Variants in SLC29A3 observed in about 807,000 individuals in gnomAD.
SLC29A3 encodes solute carrier family 29 member 3, also known as equilibrative nucleoside transporter 3.
In SLC29A3, 18 loss-of-function variants were observed where a neutral mutation model predicts 25.4. That is an observed-to-expected ratio of 0.71 (90% CI 0.49 to 1.05). The LOEUF is 1.05. Ranked by LOEUF, SLC29A3 falls within the 50% of genes least tolerant of loss-of-function variation. The probability of loss-of-function intolerance (pLI) is 0.00; values close to 1 mark genes in which losing one functional copy is unlikely to be tolerated. For synonymous variants in SLC29A3, 258 were observed against 267.1 expected, an observed-to-expected ratio of 0.97 and a Z score of 0.33; for missense variants, 586 against 609.0, an observed-to-expected ratio of 0.96 and a Z score of 0.40.
At chr10:71,329,766 A>G (rs1846077415) in intron 2 of SLC29A3, among the ~76,000 whole-genome samples, 1 of 152,226 alleles carries the variant, frequency 6.6e-6, no homozygotes, top group Non-Finnish European at 1.5e-5. Flanking sequence ...AAATGTTACC[A>G]CATAGGGAGA....
intron 2 of SLC29A3, among the ~76,000 whole-genome samples, chr10:71,331,730 C>T (rs893089794): frequency 6.6e-6 from 1 of 152,228 alleles, no homozygotes. Context: ...CTGCCTGTTT[C>T]CCCTAACTTT....
At chr10:71,319,634 C>T in intron 1 of SLC29A3, 1 of 326,498 alleles carries the variant, frequency 3.1e-6, no homozygotes. Context: ...TCTCTCGGTC[C>T]CAGCTGCGGG....
In SLC29A3 at chr10:71,362,204, A is replaced by G; in HGVS notation, c.1024A>G (p.Thr342Ala). The change falls in exon 6 of 6, where the codon ACC (threonine) becomes GCC (alanine). Residue 342 changes from threonine (T) to alanine (A), a missense_variant. Transcript: ENST00000373189. ...SLNKGSGSLWTTKFFIPLTTF... is the reference protein window; with the variant it reads ...SLNKGSGSLWATKFFIPLTTF... The stretch of plus-strand genomic sequence containing the variant: ...CAACAAGGGTTCGGGCTCACTGTGG[A>G]CCACCAAGTTTTTCATCCCCCTCAC... 1.2e-6 allele frequency: 2 copies of G among 1,614,010 alleles called. No individual in the cohort carries two copies. Among genetic ancestry groups the G allele is most frequent in the Non-Finnish European group, 1.7e-6 (2 of 1,179,974 alleles).
intron 5 of SLC29A3, among the ~76,000 whole-genome samples, chr10:71,358,935 G>A (rs1393473930): frequency 6.6e-6 from 1 of 152,026 alleles, no homozygotes; most frequent in Non-Finnish European, 1.5e-5. Flanking sequence ...TTTTGTGATG[G>A]AGTCTCACTC....
intron 3 of SLC29A3, among the ~76,000 whole-genome samples, chr10:71,345,740 C>G (rs564217545): frequency 6.6e-6 from 1 of 152,304 alleles, no homozygotes; most frequent in South Asian, 2.1e-4. Flanking sequence ...ACCGCCACCC[C>G]AGGAGGAGAG....
chr10:71,338,743 C>T (rs570681170), intron 2 of SLC29A3, among the ~76,000 whole-genome samples: 10 of 152,030 alleles, frequency 6.6e-5, no homozygotes, highest in African/African-American at 1.9e-4. Context: ...AGCGACAGAG[C>T]GAGACTCTGT....
intron 3 of SLC29A3, among the ~76,000 whole-genome samples, chr10:71,346,278 T>C (rs952061729): frequency 1.3e-5 from 2 of 152,216 alleles, no homozygotes; most frequent in African/African-American, 4.8e-5. Flanking sequence ...CTGAGCATTA[T>C]ATCCTGCAGA....
At chr10:71,349,714 A>T (rs1224029403) in intron 3 of SLC29A3, among the ~76,000 whole-genome samples, 1 of 152,102 alleles carries the variant, frequency 6.6e-6, no homozygotes, top group Admixed American at 6.5e-5. Context: ...TCTCCCCAGC[A>T]TCACCTCTGT....
chr10:71,348,607 G>A (rs988557972), intron 3 of SLC29A3, among the ~76,000 whole-genome samples: 8 of 152,148 alleles, frequency 5.3e-5, no homozygotes, highest in African/African-American at 1.2e-4. Context: ...GGACCACCTC[G>A]AGCATCAGGG....
At position 71,363,244 on chromosome 10, in the gene SLC29A3, C is replaced by A; in HGVS notation, c.*636C>A. ...TCCCTGTGCAAGGGATCAAGCATGTCTGGCCTGGGTTTTCAAAAAAAGAGG... is the reference window on the plus strand; with the variant it reads ...TCCCTGTGCAAGGGATCAAGCATGTATGGCCTGGGTTTTCAAAAAAAGAGG... On this transcript the variant is annotated 3_prime_UTR_variant, in exon 6 of 6. Transcript: ENST00000373189. The A allele has an allele frequency of 2.2e-6, 1 of 454,096 alleles. No individual in the cohort carries two copies. The highest frequency in any genetic ancestry group is 4.4e-6 in the Non-Finnish European group (1 of 226,790). 28.1% of individuals were successfully genotyped at this position (454,096 alleles called of 1,614,324 possible). A position where few individuals can be genotyped will look rare whatever the true frequency, so the allele number is the denominator to read the frequency against.
At chr10:71,319,423 C>T (rs1357721416) in intron 1 of SLC29A3, 113 bp downstream of exon 1, 4 of 519,170 alleles carry the variant, frequency 7.7e-6, no homozygotes, top group African/African-American at 2.0e-5. Flanking sequence ...CCAGGGGAGC[C>T]GCAGGACCCT....
At chr10:71,367,692 T>C (rs1847181003), downstream of SLC29A3, among the ~76,000 whole-genome samples, 1 of 152,150 alleles carries the variant, frequency 6.6e-6, no homozygotes, top group Admixed American at 6.5e-5. Context: ...GTGACAAAGG[T>C]AGCCATACTC....
At chr10:71,323,724 G>A (rs567953111) in intron 2 of SLC29A3, among the ~76,000 whole-genome samples, 5 of 152,338 alleles carry the variant, frequency 3.3e-5, no homozygotes, top group African/African-American at 7.2e-5. Flanking sequence ...AAATGAATCC[G>A]AAGGGATAAT....
chr10:71,379,026 G>A (rs932089467), intron 4 of SLC29A3, among the ~76,000 whole-genome samples: 1 of 152,222 alleles, frequency 6.6e-6, no homozygotes, highest in Non-Finnish European at 1.5e-5. Flanking sequence ...CAAATGCTCT[G>A]CCAAATGCTT....
At chr10:71,356,670 TA>T (rs1050316932) in intron 5 of SLC29A3, among the ~76,000 whole-genome samples, 1 of 151,814 alleles carries the variant, frequency 6.6e-6, no homozygotes, top group Non-Finnish European at 1.5e-5. Flanking sequence ...CTACAAAAAA[TA>T]AAAAATTAGC....
downstream of SLC29A3, among the ~76,000 whole-genome samples, chr10:71,363,932 G>T (rs1285175429): frequency 3.3e-5 from 5 of 151,914 alleles, no homozygotes; most frequent in South Asian, 2.1e-4. Context: ...ACCCCAGGGG[G>T]TTGTGCATTC....
intron 4 of SLC29A3, among the ~76,000 whole-genome samples, chr10:71,376,565 G>GTATTA (rs2131860711): frequency 6.6e-6 from 1 of 152,230 alleles, no homozygotes; most frequent in South Asian, 2.1e-4. Flanking sequence ...TTCACTGTTG[G>GTATTA]TATTATCAGT....
At chr10:71,370,280 G>A (rs1047308870) in intron 3 of SLC29A3, among the ~76,000 whole-genome samples, 2 of 152,182 alleles carry the variant, frequency 1.3e-5, no homozygotes, top group South Asian at 4.1e-4. Context: ...ACACAGAGAA[G>A]AGTAAAGTAT....
intron 3 of SLC29A3, among the ~76,000 whole-genome samples, chr10:71,370,590 G>A (rs538128207): frequency 3.3e-5 from 5 of 152,222 alleles, no homozygotes; most frequent in African/African-American, 1.2e-4. Flanking sequence ...GTGGCTGTTC[G>A]GAAGTGCAAT....
Sources: gnomAD v4.1 joint callset for allele counts (sites outside exome capture counted in the v4.1 genomes callset) on GRCh38, gnomAD v4.1.1 for gene constraint, MANE v1.5 for transcripts, NCBI Gene and HGNC (gene_info 2026-07-23, HGNC 2026-07-21) for gene names.